Variants in ABTB3 observed in about 807,000 individuals in gnomAD.
ABTB3 encodes the protein ankyrin repeat- and BTB/POZ domain-containing protein 3.
the ABTB3 span, among the ~76,000 whole-genome samples, chr12:107,640,043 G>A: frequency 6.6e-6 from 1 of 152,160 alleles, no homozygotes; most frequent in Admixed American, 6.5e-5. Context: ...TAGAGACAAG[G>A]TGGGTGGGTG....
At chr12:107,504,071 G>C in the ABTB3 span, among the ~76,000 whole-genome samples, 2 of 152,132 alleles carry the variant, frequency 1.3e-5, no homozygotes, top group African/African-American at 4.8e-5. Context: ...TCCTGGCCTT[G>C]GGAAAAAGGT....
chr12:107,329,120 C>T, the ABTB3 span, among the ~76,000 whole-genome samples: 5 of 152,192 alleles, frequency 3.3e-5, no homozygotes, highest in Non-Finnish European at 7.3e-5. Context: ...ATAAGAAGCA[C>T]AGGCCCTCTG....
At chr12:107,578,522 C>G in the ABTB3 span, among the ~76,000 whole-genome samples, 1 of 151,514 alleles carries the variant, frequency 6.6e-6, no homozygotes, top group African/African-American at 2.4e-5. Flanking sequence ...AGATGCAGCC[C>G]CCCAGGGACT....
the ABTB3 span, among the ~76,000 whole-genome samples, chr12:107,632,897 C>T: frequency 6.6e-6 from 1 of 152,240 alleles, no homozygotes; most frequent in Non-Finnish European, 1.5e-5. Flanking sequence ...CCCTCACGAG[C>T]TTGCCATGTG....
At chr12:107,371,563 G>A in the ABTB3 span, among the ~76,000 whole-genome samples, 1 of 152,140 alleles carries the variant, frequency 6.6e-6, no homozygotes, top group Admixed American at 6.5e-5. Context: ...CAGAGGATTC[G>A]TTGCTTTTCC....
chr12:107,336,735 A>T, the ABTB3 span, among the ~76,000 whole-genome samples: 1 of 152,256 alleles, frequency 6.6e-6, no homozygotes, highest in Non-Finnish European at 1.5e-5. Flanking sequence ...GCACTTCAAC[A>T]TACTGTTCAG....
the ABTB3 span, among the ~76,000 whole-genome samples, chr12:107,535,900 C>T: frequency 2.6e-5 from 4 of 152,108 alleles, no homozygotes; most frequent in Admixed American, 2.0e-4. Context: ...TCGAAAAAAA[C>T]ACCTTAAGGT....
the ABTB3 span, among the ~76,000 whole-genome samples, chr12:107,656,914 C>T: frequency 6.6e-6 from 1 of 152,116 alleles, no homozygotes; most frequent in Admixed American, 6.5e-5. Context: ...CCTGTAATCC[C>T]AGCACTTTGG....
chr12:107,632,688 C>T, the ABTB3 span, among the ~76,000 whole-genome samples: 1 of 152,340 alleles, frequency 6.6e-6, no homozygotes, highest in East Asian at 1.9e-4. Flanking sequence ...CAGCTGGGTT[C>T]TCTGCCTAGA....
At chr12:107,431,590 C>A in the ABTB3 span, among the ~76,000 whole-genome samples, 3 of 152,192 alleles carry the variant, frequency 2.0e-5, no homozygotes, top group Non-Finnish European at 1.5e-5. Flanking sequence ...GCCTGGCCAA[C>A]AAGAGCAAGA....
the ABTB3 span, chr12:107,651,787 G>C: frequency 1.9e-6 from 3 of 1,612,402 alleles, no homozygotes; most frequent in Non-Finnish European, 2.5e-6. Context: ...ACCATGCCAA[G>C]GTAATCAATC....
chr12:107,422,412 GC>G, the ABTB3 span, among the ~76,000 whole-genome samples: 1 of 152,152 alleles, frequency 6.6e-6, no homozygotes, highest in Non-Finnish European at 1.5e-5. Context: ...TGGAATGGGA[GC>G]CCACTTTGAA....
At chr12:107,601,261 A>G in the ABTB3 span, among the ~76,000 whole-genome samples, 1 of 152,026 alleles carries the variant, frequency 6.6e-6, no homozygotes, top group Admixed American at 6.5e-5. Flanking sequence ...GGTCTTAGGC[A>G]CCAGCCTCTC....
At chr12:107,610,752 T>C in the ABTB3 span, among the ~76,000 whole-genome samples, 4 of 152,174 alleles carry the variant, frequency 2.6e-5, no homozygotes, top group African/African-American at 7.2e-5. Context: ...ACAGACTTCA[T>C]CAAACTTTTA....
the ABTB3 span, among the ~76,000 whole-genome samples, chr12:107,567,796 T>C: frequency 6.6e-6 from 1 of 152,236 alleles, no homozygotes; most frequent in Non-Finnish European, 1.5e-5. Context: ...GAGAATCTAA[T>C]GCCTGATGAT....
the ABTB3 span, among the ~76,000 whole-genome samples, chr12:107,479,718 T>C: frequency 6.6e-6 from 1 of 152,128 alleles, no homozygotes; most frequent in Non-Finnish European, 1.5e-5. Context: ...CGTGCTGAAA[T>C]GTATTGAGAC....
chr12:107,558,040 C>T, the ABTB3 span, among the ~76,000 whole-genome samples: 2 of 152,166 alleles, frequency 1.3e-5, no homozygotes, highest in African/African-American at 2.4e-5. Context: ...GTATTTGAAT[C>T]GGACTTTGAA....
chr12:107,446,674 C>T, the ABTB3 span, among the ~76,000 whole-genome samples: 1 of 152,160 alleles, frequency 6.6e-6, no homozygotes, highest in African/African-American at 2.4e-5. Context: ...CCCAGAGTGA[C>T]TAATGCCAGC....
the ABTB3 span, among the ~76,000 whole-genome samples, chr12:107,422,689 A>T: frequency 1.1e-4 from 16 of 152,330 alleles, no homozygotes; most frequent in African/African-American, 3.1e-4. Context: ...ATGAGGAGAT[A>T]ACTTCTTATG....
Sources: allele counts gnomAD v4.1 joint callset (sites outside exome capture counted in the v4.1 genomes callset), GRCh38; gene constraint gnomAD v4.1.1; transcripts MANE v1.5; gene names NCBI Gene and HGNC (gene_info 2026-07-23, HGNC 2026-07-21).